The following LDB2 variants were observed in gnomAD, a reference collection of about 807,000 sequenced individuals.
The protein encoded by LDB2 is LIM domain binding 2, also known as LIM domain-binding protein 2.
A neutral mutation model predicts 44.3 loss-of-function variants in LDB2; 12 were observed. The ratio of observed to expected loss-of-function variants is 0.27; its 90% CI spans 0.17 to 0.44. The LOEUF (loss-of-function observed/expected upper bound fraction) is 0.44, where lower values mean the gene tolerates loss of function less well. Ranked by LOEUF, LDB2 falls within the 20% of genes least tolerant of loss-of-function variation. The pLI is 1.00. For synonymous variants in LDB2, 164 were observed against 174.8 expected (o/e 0.94, Z 0.49); for missense variants, 344 against 473.5 (o/e 0.73, Z 2.54).
intron 5 of LDB2, among the ~76,000 whole-genome samples, chr4:16,579,486 TAAGGATTA>T (rs933237197): frequency 1.3e-5 from 2 of 151,984 alleles, no homozygotes; most frequent in African/African-American, 4.8e-5. Flanking sequence ...ACATTTAGAG[TAAGGATTA>T]AATACTGATT....
At chr4:16,555,856 G>A (rs187603444) in intron 5 of LDB2, among the ~76,000 whole-genome samples, 61 of 152,148 alleles carry the variant, frequency 4.0e-4, no homozygotes, top group Middle Eastern at 3.4e-3. Flanking sequence ...CAACCACTCC[G>A]CCCTCACTCA....
intron 2 of LDB2, among the ~76,000 whole-genome samples, chr4:16,689,208 T>C (rs1387957235): frequency 6.6e-6 from 1 of 152,172 alleles, no homozygotes; most frequent in Non-Finnish European, 1.5e-5. Context: ...GGTACAAAGC[T>C]GATGTTGGAG....
intron 5 of LDB2, among the ~76,000 whole-genome samples, chr4:16,566,338 TACAA>T (rs1744512088): frequency 6.6e-6 from 1 of 151,938 alleles, no homozygotes; most frequent in Admixed American, 6.6e-5. Flanking sequence ...AGCCAAAAAA[TACAA>T]AGAATAGAGA....
At chr4:16,816,407 CTTTTTTT>C (rs1171864969) in intron 1 of LDB2, among the ~76,000 whole-genome samples, 1 of 121,022 alleles carries the variant, frequency 8.3e-6, no homozygotes, top group Non-Finnish European at 1.7e-5. Flanking sequence ...CTTTTTCTTT[CTTTTTTT>C]TTTTTTTTTT....
chr4:16,858,901 T>C (rs796785895), intron 1 of LDB2, among the ~76,000 whole-genome samples: 44 of 152,218 alleles, frequency 2.9e-4, no homozygotes, highest in African/African-American at 1.0e-3. Flanking sequence ...TAAAATATTT[T>C]GCTAATTGAC....
At chr4:16,857,870 C>T (rs1193659193) in intron 1 of LDB2, among the ~76,000 whole-genome samples, 4 of 152,228 alleles carry the variant, frequency 2.6e-5, no homozygotes, top group South Asian at 4.2e-4. Context: ...CATACCAGAA[C>T]GCAGTACATC....
At position 16,661,841 on chromosome 4, in the gene LDB2, T is replaced by C. The variant is rs566640536; in HGVS notation, c.236-65966A>G. ...CATTTAATTAAACCTGAGGAATTTCTTACCAGTAAGAGCAGTCAGACTTTC... is the reference window on the plus strand; with the variant it reads ...CATTTAATTAAACCTGAGGAATTTCCTACCAGTAAGAGCAGTCAGACTTTC... On this transcript the variant is annotated intron_variant, in intron 2 of 7. Transcript: ENST00000304523. Among the ~76,000 whole-genome samples the C allele has an allele frequency of 8.5e-4, 130 of 152,294 alleles. 1 individual carries two copies. The highest frequency in any genetic ancestry group is 3.0e-3 in the African/African-American group (126 of 41,556).
At chr4:16,879,328 A>G (rs1719364151) in intron 1 of LDB2, among the ~76,000 whole-genome samples, 1 of 152,194 alleles carries the variant, frequency 6.6e-6, no homozygotes, top group Admixed American at 6.5e-5. Flanking sequence ...AACTTGACTG[A>G]GCCAAAGGAT....
intron 1 of LDB2, among the ~76,000 whole-genome samples, chr4:16,832,980 T>C (rs1784302087): frequency 6.6e-6 from 1 of 152,244 alleles, no homozygotes. Context: ...CAAGTTCATT[T>C]GAATATTCCT....
intron 2 of LDB2, among the ~76,000 whole-genome samples, chr4:16,692,912 G>A (rs1307875841): frequency 6.6e-6 from 1 of 152,214 alleles, no homozygotes; most frequent in Non-Finnish European, 1.5e-5. Flanking sequence ...CCTCTGCTGT[G>A]AGTGTGTGCA....
intron 2 of LDB2, among the ~76,000 whole-genome samples, chr4:16,688,766 A>T (rs965526379): frequency 6.6e-6 from 1 of 152,238 alleles, no homozygotes; most frequent in African/African-American, 2.4e-5. Context: ...TGTCAAGAAC[A>T]TACAAAGTCT....
At chr4:16,648,757 T>C (rs1467271112) in intron 2 of LDB2, among the ~76,000 whole-genome samples, 1 of 150,460 alleles carries the variant, frequency 6.6e-6, no homozygotes, top group East Asian at 1.9e-4. Context: ...ATTTCTCTAT[T>C]TTTTTTTTAA....
intron 5 of LDB2, among the ~76,000 whole-genome samples, chr4:16,559,361 T>C (rs1577703963): frequency 6.6e-6 from 1 of 152,018 alleles, no homozygotes; most frequent in East Asian, 1.9e-4. Flanking sequence ...AATAAAAGGA[T>C]GGAGGAAGAT....
intron 5 of LDB2, among the ~76,000 whole-genome samples, chr4:16,557,282 G>T (rs1740045144): frequency 6.6e-6 from 1 of 152,240 alleles, no homozygotes; most frequent in South Asian, 2.1e-4. Flanking sequence ...GGAAGCGCAA[G>T]GGGTCAGGGA....
intron 5 of LDB2, among the ~76,000 whole-genome samples, chr4:16,574,801 A>T (rs541531289): frequency 6.6e-6 from 1 of 152,178 alleles, no homozygotes; most frequent in Non-Finnish European, 1.5e-5. Context: ...TCTAATCTTC[A>T]TGCCAAACTT....
At chr4:16,644,136 C>A (rs1043839765) in intron 2 of LDB2, among the ~76,000 whole-genome samples, 3 of 152,170 alleles carry the variant, frequency 2.0e-5, no homozygotes, top group Admixed American at 6.5e-5. Context: ...ATGGTACTCC[C>A]GTTTGAAGAA....
chr4:16,713,075 T>C (rs1560967761), intron 2 of LDB2, among the ~76,000 whole-genome samples: 1 of 152,168 alleles, frequency 6.6e-6, no homozygotes, highest in East Asian at 1.9e-4. Context: ...CTCAAATATA[T>C]TAGTCAAGTA....
intron 6 of LDB2, among the ~76,000 whole-genome samples, chr4:16,509,587 C>T (rs143077657): frequency 0.011 from 1,672 of 152,204 alleles, 27 homozygotes; most frequent in African/African-American, 0.038. Context: ...CTTAATGTTT[C>T]CAATGCACTA....
At chr4:16,769,071 A>G (rs890163431) in intron 1 of LDB2, among the ~76,000 whole-genome samples, 3 of 152,158 alleles carry the variant, frequency 2.0e-5, no homozygotes, top group Non-Finnish European at 4.4e-5. Context: ...ACATCCAGTC[A>G]AGGCCAAGTG....
Sources: gnomAD v4.1 joint callset for allele counts (sites outside exome capture counted in the v4.1 genomes callset) on GRCh38, gnomAD v4.1.1 for gene constraint, MANE v1.5 for transcripts, NCBI Gene and HGNC (gene_info 2026-07-23, HGNC 2026-07-21) for gene names.